Variants in MGST1 observed in about 807,000 individuals in gnomAD.
MGST1 encodes the protein microsomal glutathione S-transferase 1.
In MGST1, 5 loss-of-function variants were observed where a neutral mutation model predicts 8.9. The observed-to-expected ratio is 0.56, with a 90% confidence interval of 0.29 to 1.19. The LOEUF (loss-of-function observed/expected upper bound fraction) is 1.19. Ranked by LOEUF, MGST1 falls within the 50% of genes most tolerant of loss-of-function variation. The pLI, the probability that MGST1 is intolerant of heterozygous loss-of-function variation, is 0.08. For missense variants in MGST1, 182 were observed against 187.4 expected (o/e 0.97, Z 0.17); for synonymous variants, 54 against 67.8 (o/e 0.80, Z 1.00).
At chr12:16,535,323 A>G (rs1407970942) in intron 4 of MGST1, among the ~76,000 whole-genome samples, 3 of 152,208 alleles carry the variant, frequency 2.0e-5, no homozygotes, top group Non-Finnish European at 4.4e-5. Flanking sequence ...GGCTCAATGT[A>G]TAATATACAC....
intron 1 of MGST1, among the ~76,000 whole-genome samples, chr12:16,384,594 A>G (rs1940487592): frequency 6.6e-6 from 1 of 152,246 alleles, no homozygotes; most frequent in Non-Finnish European, 1.5e-5. Flanking sequence ...GACCTCCTGA[A>G]CTGGGAGATA....
chr12:16,439,866 GTC>G (rs1941024785), downstream of MGST1, among the ~76,000 whole-genome samples: 1 of 151,604 alleles, frequency 6.6e-6, no homozygotes, highest in South Asian at 2.1e-4. Context: ...GGAATATCAA[GTC>G]CTACCCCACC....
intron 4 of MGST1, among the ~76,000 whole-genome samples, chr12:16,492,299 C>A (rs1480937155): frequency 1.3e-5 from 2 of 152,152 alleles, no homozygotes; most frequent in East Asian, 1.9e-4. Flanking sequence ...TTAAAGTCAC[C>A]ATGTTTTCCT....
At chr12:16,505,149 T>C (rs548390087) in intron 4 of MGST1, among the ~76,000 whole-genome samples, 25 of 152,168 alleles carry the variant, frequency 1.6e-4, no homozygotes, top group Non-Finnish European at 3.5e-4. Context: ...AACTATTTTG[T>C]GGATAACTCT....
Position 16,401,594 on chromosome 12 carries a change from AC to A in MGST1, n.778+17993del. 1 of 1,434,626 alleles carries A rather than the reference AC, an allele frequency of 7.0e-7. No homozygotes were observed. The highest frequency in any genetic ancestry group is 1.1e-5 in the South Asian group (1 of 87,152). The allele number at this position is 1,434,626 out of a possible 1,614,324, so 88.9% of individuals were successfully genotyped here. A position where few individuals can be genotyped will look rare whatever the true frequency, so the allele number is the denominator to read the frequency against. On this transcript the variant is annotated intron_variant and non_coding_transcript_variant, in intron 1 of 1. Coordinates refer to the MGST1 transcript ENST00000359720. The surrounding 1 kb of genome is among the most constrained non-coding windows in gnomAD (Gnocchi z 4.3). The stretch of plus-strand genomic sequence containing the variant: ...TGGAGCAATAAGACTCGAAGCGAAT[AC>A]CCATGGCACAAGTGATAGCCCCAAA...
At chr12:16,591,447 C>G (rs1943492615), downstream of MGST1, among the ~76,000 whole-genome samples, 1 of 152,024 alleles carries the variant, frequency 6.6e-6, no homozygotes, top group Non-Finnish European at 1.5e-5. This position sits in a 1 kb window ranked among gnomAD's most constrained non-coding sequence, Gnocchi z 4.1. Flanking sequence ...TGTTTATCAT[C>G]TCCTCATGCC....
In MGST1 at chr12:16,500,682, CA is replaced by C. The variant is rs1941500502; in HGVS notation, n.483-88845del. Among the ~76,000 whole-genome samples, 1 of 151,966 alleles carries C rather than the reference CA, an allele frequency of 6.6e-6. No homozygotes were observed. The highest frequency in any genetic ancestry group is 2.1e-4 in the South Asian group (1 of 4,780). ...TGCCCAGGATGATGTTTACACATAG[CA>C]GGTGCTCAATAAATATATGTGACTG... On this transcript the variant is annotated intron_variant and non_coding_transcript_variant, in intron 4 of 4. Coordinates refer to the MGST1 transcript ENST00000538857. The surrounding 1 kb of genome is among the most constrained non-coding windows in gnomAD (Gnocchi z 4.3).
chr12:16,436,845 C>T (rs959123396), intron 1 of MGST1, among the ~76,000 whole-genome samples: 6 of 151,960 alleles, frequency 3.9e-5, no homozygotes, highest in African/African-American at 1.4e-4. Flanking sequence ...GCTTCAGCAT[C>T]TATGCTCTTA....
chr12:16,422,525 G>C (rs916085358), intron 1 of MGST1, among the ~76,000 whole-genome samples: 1 of 152,074 alleles, frequency 6.6e-6, no homozygotes, highest in Non-Finnish European at 1.5e-5. Context: ...AGTGAGATGA[G>C]GTGCAATTTT....
At chr12:16,565,319 T>C (rs1942562380) in intron 4 of MGST1, among the ~76,000 whole-genome samples, 1 of 152,210 alleles carries the variant, frequency 6.6e-6, no homozygotes, top group Non-Finnish European at 1.5e-5. Flanking sequence ...GGACAATTGC[T>C]TTTTTGTCTA....
intron 1 of MGST1, chr12:16,350,948 C>CTGGGA (rs1939435630): frequency 6.6e-6 from 1 of 152,084 alleles, no homozygotes; most frequent in African/African-American, 2.4e-5. Flanking sequence ...CCCTTTTTCC[C>CTGGGA]AGCCACTGAC....
downstream of MGST1, among the ~76,000 whole-genome samples, chr12:16,440,237 ATG>A (rs1941027453): frequency 6.9e-6 from 1 of 144,046 alleles, no homozygotes. Flanking sequence ...ATATTAAGAA[ATG>A]TGTGTGTACA....
chr12:16,377,293 C>T (rs1445301443), downstream of MGST1: 2 of 109,968 alleles, frequency 1.8e-5, no homozygotes, highest in Non-Finnish European at 3.5e-5. Flanking sequence ...CTATCCCTCC[C>T]CCCTCCCCCC....
intron 4 of MGST1, among the ~76,000 whole-genome samples, chr12:16,477,217 A>T (rs955013247): frequency 1.3e-5 from 2 of 152,166 alleles, no homozygotes; most frequent in Non-Finnish European, 2.9e-5. Context: ...TTTTGGTAAA[A>T]TCAGTAAAAA....
chr12:16,564,847 G>A (rs1942536137), intron 4 of MGST1, among the ~76,000 whole-genome samples: 1 of 152,138 alleles, frequency 6.6e-6, no homozygotes, highest in Admixed American at 6.6e-5. Flanking sequence ...ATGCAGTGGT[G>A]TGACCATGAG....
chr12:16,561,090 A>C (rs953552052), intron 4 of MGST1, among the ~76,000 whole-genome samples: 3 of 152,162 alleles, frequency 2.0e-5, no homozygotes, highest in African/African-American at 7.2e-5. Flanking sequence ...ATGTTATTCA[A>C]GTAGCACATT....
chr12:16,367,036 CATG>C (rs1188077296), downstream of MGST1, among the ~76,000 whole-genome samples: 6 of 152,116 alleles, frequency 3.9e-5, no homozygotes, highest in African/African-American at 9.7e-5. Context: ...TATAATACTA[CATG>C]ATGTAGAATC....
At chr12:16,526,328 C>T (rs906955195) in intron 4 of MGST1, among the ~76,000 whole-genome samples, 8 of 151,938 alleles carry the variant, frequency 5.3e-5, no homozygotes, top group African/African-American at 1.9e-4. Context: ...CCACATAAAG[C>T]TACATGGTCA....
At chr12:16,479,383 C>T (rs1165387685) in intron 4 of MGST1, among the ~76,000 whole-genome samples, 64 of 149,504 alleles carry the variant, frequency 4.3e-4, no homozygotes, top group African/African-American at 1.5e-3. Flanking sequence ...TACAGGTGCC[C>T]GCCACCACGC....
Sources: gnomAD v4.1 joint callset for allele counts (sites outside exome capture counted in the v4.1 genomes callset) on GRCh38, gnomAD v4.1.1 for gene constraint, Gnocchi (gnomAD v3.1) non-coding constraint, MANE v1.5 for transcripts, NCBI Gene and HGNC (gene_info 2026-07-23, HGNC 2026-07-21) for gene names.